Variants in WSCD2 observed in about 807,000 individuals in gnomAD.
WSCD2 encodes sialate:O-sulfotransferase 2.
Under a neutral mutation model 55.7 loss-of-function variants are expected in WSCD2, and 28 were observed. The ratio of observed to expected loss-of-function variants is 0.50; its 90% CI spans 0.37 to 0.69. The LOEUF is 0.69. Ranked by LOEUF, WSCD2 falls within the 30% of genes least tolerant of loss-of-function variation. The pLI, the probability that WSCD2 is intolerant of heterozygous loss-of-function variation, is 0.00. For synonymous variants in WSCD2, 301 were observed against 301.9 expected (o/e 1.00, Z 0.03); for missense variants, 616 against 762.1 (o/e 0.81, Z 2.26).
At chr12:108,153,468 A>G (rs767939055) in intron 1 of WSCD2, among the ~76,000 whole-genome samples, 16 of 152,062 alleles carry the variant, frequency 1.1e-4, no homozygotes, top group Non-Finnish European at 1.9e-4. Context: ...CTGCGTCTGC[A>G]TTTTCTGCAG....
intron 2 of WSCD2, among the ~76,000 whole-genome samples, chr12:108,204,294 A>G (rs1277592881): frequency 6.6e-6 from 1 of 152,038 alleles, no homozygotes; most frequent in Non-Finnish European, 1.5e-5. Context: ...CAGGCCACCA[A>G]AATAAACCAA....
intron 2 of WSCD2, among the ~76,000 whole-genome samples, chr12:108,205,293 CTT>C (rs963982474): frequency 3.3e-5 from 5 of 152,166 alleles, no homozygotes; most frequent in Non-Finnish European, 5.9e-5. Context: ...TCTCCGGGCC[CTT>C]TTCTCTTCTG....
intron 1 of WSCD2, among the ~76,000 whole-genome samples, chr12:108,145,051 A>G (rs764194297): frequency 6.6e-6 from 1 of 152,198 alleles, no homozygotes; most frequent in Non-Finnish European, 1.5e-5. Flanking sequence ...AGTGAAATCC[A>G]GGCCCAGCTC....
rs1886074677 is a variant in WSCD2 at position 108,210,973 on chromosome 12, T to C, written c.682+668T>C. Among the ~76,000 whole-genome samples, 1 of 152,230 alleles carries C rather than the reference T, an allele frequency of 6.6e-6. No homozygotes were observed. Among genetic ancestry groups the C allele is most frequent in the Admixed American group, 6.5e-5 (1 of 15,292 alleles). On this transcript the variant is annotated intron_variant, in intron 4 of 8. Transcript: ENST00000547525. The surrounding 1 kb of genome is among the most constrained non-coding windows in gnomAD (Gnocchi z 4.3). ...TAAGAGGACAGGAGCTGGCTCCTTG[T>C]CTGAGGGCACTCCTGGGTCCCCTCC...
At chr12:108,223,603 CTT>C (rs1371181028) in intron 4 of WSCD2, among the ~76,000 whole-genome samples, 2 of 152,148 alleles carry the variant, frequency 1.3e-5, no homozygotes, top group Non-Finnish European at 2.9e-5. Context: ...ATTGATAAAT[CTT>C]TGTGCACATC....
chr12:108,134,281 T>G (rs1034010293), intron 1 of WSCD2, among the ~76,000 whole-genome samples: 2 of 152,064 alleles, frequency 1.3e-5, no homozygotes, highest in African/African-American at 4.8e-5. Flanking sequence ...GTCACTGCTC[T>G]TCTCATTCAA....
At chr12:108,205,779 G>T (rs1490058949) in intron 2 of WSCD2, among the ~76,000 whole-genome samples, 1 of 152,146 alleles carries the variant, frequency 6.6e-6, no homozygotes, top group African/African-American at 2.4e-5. Flanking sequence ...AATAAAACTA[G>T]GTATCTGAAA....
intron 1 of WSCD2, among the ~76,000 whole-genome samples, chr12:108,135,597 G>T (rs1397068739): frequency 6.6e-6 from 1 of 152,244 alleles, no homozygotes; most frequent in Non-Finnish European, 1.5e-5. Flanking sequence ...GAAAGTAGGG[G>T]CCTCCAGATC....
intron 1 of WSCD2, among the ~76,000 whole-genome samples, chr12:108,156,098 G>A (rs529343151): frequency 1.3e-5 from 2 of 152,298 alleles, no homozygotes; most frequent in South Asian, 2.1e-4. Context: ...AAAATCTCAC[G>A]TGAGCAAAAA....
intron 1 of WSCD2, among the ~76,000 whole-genome samples, chr12:108,160,717 A>T (rs1307613974): frequency 6.6e-6 from 1 of 152,238 alleles, no homozygotes; most frequent in Non-Finnish European, 1.5e-5. Context: ...AAACCATGTC[A>T]GATATGATAT....
chr12:108,159,680 G>C (rs918456881), intron 1 of WSCD2, among the ~76,000 whole-genome samples: 2 of 152,194 alleles, frequency 1.3e-5, no homozygotes, highest in Non-Finnish European at 2.9e-5. Flanking sequence ...TGAGCGTGAG[G>C]GATTCTTATT....
At position 108,249,578 on chromosome 12, in the gene WSCD2, G is replaced by T. The variant is rs149586635; in HGVS notation, c.*1235G>T. 6.6e-6 allele frequency: 1 copy of T among 152,590 alleles called. No homozygotes were observed. Among genetic ancestry groups the T allele is most frequent in the East Asian group, 1.9e-4 (1 of 5,170 alleles). 9.5% of individuals were successfully genotyped at this position (152,590 alleles called of 1,614,324 possible). A position where few individuals can be genotyped will look rare whatever the true frequency, so the allele number is the denominator to read the frequency against. On this transcript the variant is annotated 3_prime_UTR_variant, in exon 9 of 9. Transcript: ENST00000547525. Reference sequence around the variant, plus strand: ...GTAGCTTCCCACCCAGTCCAAACCTGCACCATCCATCATTATGTAGATGAA... The same window carrying T: ...GTAGCTTCCCACCCAGTCCAAACCTTCACCATCCATCATTATGTAGATGAA...
At position 108,242,252 on chromosome 12, in the gene WSCD2, T is replaced by C. The variant is rs541731481; in HGVS notation, c.1345+1708T>C. ...AGGTCCCAATTCACTCAAGGCGGTT[T>C]TTCTGTTCCTCCCTCTGCCTCACTC... On this transcript the variant is annotated intron_variant, in intron 8 of 8. Transcript: ENST00000547525. 1.9e-4 allele frequency among the ~76,000 whole-genome samples: 29 copies of C among 152,346 alleles called. No individual in the cohort carries two copies. In the East Asian group the frequency reaches 4.6e-3, roughly 24 times the overall value.
intron 1 of WSCD2, among the ~76,000 whole-genome samples, chr12:108,180,050 C>CAAAAAAAAAAAAAAAAGAAAAAAAAAAA (rs1881481495): frequency 8.6e-6 from 1 of 116,674 alleles, no homozygotes; most frequent in Non-Finnish European, 1.8e-5. Flanking sequence ...CTCAAAAAAA[C>CAAAAAAAAAAAAAAAAGAAAAAAAAAAA]AAAAAAAAAA....
intron 4 of WSCD2, among the ~76,000 whole-genome samples, chr12:108,211,943 A>G (rs998223201): frequency 1.3e-5 from 2 of 151,744 alleles, no homozygotes; most frequent in African/African-American, 4.8e-5. Flanking sequence ...AATTACAGGC[A>G]TAAGCCACCA....
intron 3 of WSCD2, among the ~76,000 whole-genome samples, chr12:108,209,882 T>C (rs58443512): frequency 0.11 from 16,813 of 151,978 alleles, 2,028 homozygotes; most frequent in African/African-American, 0.3. Context: ...GGTGTCCCCC[T>C]GTCTCCCGAA....
At chr12:108,180,050 C>CCAAAAAAAA (rs1881478726) in intron 1 of WSCD2, among the ~76,000 whole-genome samples, 1 of 116,674 alleles carries the variant, frequency 8.6e-6, no homozygotes, top group Non-Finnish European at 1.8e-5. Context: ...CTCAAAAAAA[C>CCAAAAAAAA]AAAAAAAAAA....
intron 7 of WSCD2, among the ~76,000 whole-genome samples, chr12:108,237,479 GA>G (rs1236903359): frequency 6.6e-6 from 1 of 152,258 alleles, no homozygotes; most frequent in Non-Finnish European, 1.5e-5. Context: ...GGACAGTGGA[GA>G]GGGGGACACC....
intron 2 of WSCD2, among the ~76,000 whole-genome samples, chr12:108,201,234 C>T (rs545566635): frequency 6.6e-6 from 1 of 152,178 alleles, no homozygotes; most frequent in Non-Finnish European, 1.5e-5. Flanking sequence ...TGTTCCATGC[C>T]TTTCTCCTGG....
Sources: gnomAD v4.1 joint callset for allele counts (sites outside exome capture counted in the v4.1 genomes callset) on GRCh38, gnomAD v4.1.1 for gene constraint, Gnocchi (gnomAD v3.1) non-coding constraint, MANE v1.5 for transcripts, NCBI Gene and HGNC (gene_info 2026-07-23, HGNC 2026-07-21) for gene names.